Variants in SPON2 observed in about 807,000 individuals in gnomAD.
SPON2 encodes the protein spondin-2.
SPON2 carries 32 observed loss-of-function variants against 29.9 expected under a neutral mutation model. The ratio of observed to expected loss-of-function variants is 1.07; its 90% confidence interval spans 0.81 to 1.44. The LOEUF (loss-of-function observed/expected upper bound fraction) is 1.44. SPON2 is among the 40% of genes most tolerant of loss of function. The pLI, the probability that SPON2 is intolerant of heterozygous loss-of-function variation, is 0.00. For missense variants in SPON2, 541 were observed against 455.5 expected (o/e 1.19, Z -1.71); for synonymous variants, 248 against 209.1 (o/e 1.19, Z -1.61).
At chr4:1,194,016 G>T (rs1424727304) in intron 1 of SPON2, among the ~76,000 whole-genome samples, 1 of 151,958 alleles carries the variant, frequency 6.6e-6, no homozygotes, top group Admixed American at 6.6e-5. Flanking sequence ...GTGGAACCCA[G>T]GGGGGTGCCC....
chr4:1,196,099 C>G (rs1026515637), upstream of SPON2, among the ~76,000 whole-genome samples: 2 of 152,192 alleles, frequency 1.3e-5, no homozygotes, highest in African/African-American at 4.8e-5. Context: ...CGCTGCCCCC[C>G]GACAGGCCCT....
intron 4 of SPON2, 100 bp downstream of exon 4, chr4:1,170,899 C>T: frequency 4.8e-6 from 7 of 1,457,654 alleles, no homozygotes; most frequent in Middle Eastern, 1.7e-4. Flanking sequence ...AAGCCGCAAG[C>T]GGCTGTCCTG....
chr4:1,192,205 C>A (rs183821882), intron 1 of SPON2, among the ~76,000 whole-genome samples: 34 of 152,296 alleles, frequency 2.2e-4, no homozygotes, highest in African/African-American at 7.5e-4. Context: ...ACCAGATGGC[C>A]CCACATGCTT....
At chr4:1,170,915 G>C (rs1265734601) in intron 4 of SPON2, 84 bp downstream of exon 4, 2 of 1,509,630 alleles carry the variant, frequency 1.3e-6, no homozygotes, top group Non-Finnish European at 1.8e-6. Context: ...TCCTGGGCTG[G>C]GAGGCGAGGG....
chr4:1,170,119 CGT>C (rs1469741041), intron 5 of SPON2: 1 of 371,758 alleles, frequency 2.7e-6, no homozygotes, highest in Non-Finnish European at 4.9e-6. Context: ...CCTGTGGGTG[CGT>C]GTCTGACAGG....
rs1040057360 is a variant in SPON2 at position 1,167,322 on chromosome 4, C to T, written c.*150G>A. The T allele has an allele frequency of 3.9e-6, 3 of 762,120 alleles. No individual in the cohort carries two copies. Among genetic ancestry groups the T allele is most frequent in the South Asian group, 2.1e-5 (1 of 48,442 alleles). The allele number at this position is 762,120 out of a possible 1,614,324, so 47.2% of individuals were successfully genotyped here. A position where few individuals can be genotyped will look rare whatever the true frequency, so the allele number is the denominator to read the frequency against. ...TGCCCGTGCCGGCCACCAGAGGGCC[C>T]TTCAGTGCAGAGATGGTCGGCGCGG... On this transcript the variant is annotated 3_prime_UTR_variant, in exon 6 of 6. Transcript: ENST00000290902.
chr4:1,171,916 G>A lies in SPON2; in HGVS notation c.156C>T (p.Ser52=). 6.2e-7 allele frequency: 1 copy of A among 1,612,932 alleles called. No homozygotes were observed. Among genetic ancestry groups the A allele is most frequent in the African/African-American group, 1.3e-5 (1 of 75,048 alleles). The stretch of plus-strand genomic sequence containing the variant: ...GGTACTGCTTGGGGAAGGCCGTCTG[G>A]CTCCACTTGCCCGTGAAGGTGATGC... The part of the protein sequence containing the change: ...KYSITFTGKW[S]QTAFPKQYPL... Residue 52 remains serine (S), a synonymous_variant, in exon 2 of 6, where the codon AGC becomes AGT. Transcript: ENST00000290902.
rs918306863 is a variant in SPON2 at position 1,194,413 on chromosome 4, G to A, written c.-239+577C>T. Reference sequence around the variant, plus strand: ...GACCAGCCCCCGGGGGACAGCGACGGCCCCAGGCCTGGAGGACCGGATGGA... The same window carrying A: ...GACCAGCCCCCGGGGGACAGCGACGACCCCAGGCCTGGAGGACCGGATGGA... On this transcript the variant is annotated intron_variant, in intron 1 of 3. Transcript: ENST00000502483. Among the ~76,000 whole-genome samples, 22 of 152,274 alleles carry A rather than the reference G, an allele frequency of 1.4e-4. No homozygotes were observed. In the South Asian group the frequency reaches 4.1e-3, roughly 29 times the overall value.
intron 1 of SPON2, among the ~76,000 whole-genome samples, chr4:1,190,376 C>G (rs1187566124): frequency 6.6e-6 from 1 of 152,018 alleles, no homozygotes; most frequent in Non-Finnish European, 1.5e-5. Context: ...ATGTTTGAAG[C>G]ATAATTAATA....
intron 1 of SPON2, among the ~76,000 whole-genome samples, chr4:1,194,571 C>T (rs535786616): frequency 9.2e-5 from 14 of 152,286 alleles, no homozygotes; most frequent in Middle Eastern, 3.4e-3. Context: ...GGGTGGGCTC[C>T]GTCCTCTTCT....
At chr4:1,187,143 C>G (rs1727821459) in intron 1 of SPON2, among the ~76,000 whole-genome samples, 2 of 152,066 alleles carry the variant, frequency 1.3e-5, no homozygotes, top group South Asian at 4.1e-4. Flanking sequence ...TACCAATGAA[C>G]AAACAGATAA....
At chr4:1,193,088 C>A (rs11724575) in intron 1 of SPON2, among the ~76,000 whole-genome samples, 1 of 152,196 alleles carries the variant, frequency 6.6e-6, no homozygotes, top group Non-Finnish European at 1.5e-5. Flanking sequence ...TACACATGCC[C>A]GACACAGCTG....
At chr4:1,167,886 GA>G (rs1727299311) in intron 5 of SPON2, 1 of 461,018 alleles carries the variant, frequency 2.2e-6, no homozygotes, top group South Asian at 4.6e-5. Flanking sequence ...GTAAGAGCCG[GA>G]GCTGCCGCTC....
intron 1 of SPON2, among the ~76,000 whole-genome samples, chr4:1,204,219 C>T (rs1186403648): frequency 6.6e-6 from 1 of 152,206 alleles, no homozygotes; most frequent in East Asian, 1.9e-4. Flanking sequence ...CTTTGTATTG[C>T]TGAGCTGTGA....
At chr4:1,182,378 T>C (rs1366184059) in intron 1 of SPON2, among the ~76,000 whole-genome samples, 2 of 152,068 alleles carry the variant, frequency 1.3e-5, no homozygotes, top group Non-Finnish European at 2.9e-5. Flanking sequence ...AATTGAAATA[T>C]TCATAAAAAG....
chr4:1,183,125 C>A (rs1171305560), intron 1 of SPON2, among the ~76,000 whole-genome samples: 6 of 151,452 alleles, frequency 4.0e-5, no homozygotes, highest in African/African-American at 1.5e-4. Flanking sequence ...CCTGTAATCC[C>A]AGTTACTCAG....
At chr4:1,194,019 G>T (rs1268681962) in intron 1 of SPON2, among the ~76,000 whole-genome samples, 1 of 151,954 alleles carries the variant, frequency 6.6e-6, no homozygotes, top group Non-Finnish European at 1.5e-5. Flanking sequence ...GAACCCAGGG[G>T]GGTGCCCTGT....
At chr4:1,184,334 TAC>T (rs546834929) in intron 1 of SPON2, among the ~76,000 whole-genome samples, 192 of 152,248 alleles carry the variant, frequency 1.3e-3, no homozygotes, top group African/African-American at 4.4e-3. Context: ...GCAGAATGAA[TAC>T]ACACACATAA....
chr4:1,181,912 C>T (rs1727707603), intron 1 of SPON2, among the ~76,000 whole-genome samples: 1 of 152,168 alleles, frequency 6.6e-6, no homozygotes, highest in Non-Finnish European at 1.5e-5. Context: ...TCATTTTTCT[C>T]CTTTTCCCTT....
Sources: allele counts gnomAD v4.1 joint callset (sites outside exome capture counted in the v4.1 genomes callset), GRCh38; gene constraint gnomAD v4.1.1; transcripts MANE v1.5; gene names NCBI Gene and HGNC (gene_info 2026-07-23, HGNC 2026-07-21).